STOML3: variants seen among roughly 807,000 people sequenced by gnomAD.
The protein encoded by STOML3 is stomatin-like protein 3.
In STOML3, 31 loss-of-function variants were observed where a neutral mutation model predicts 29.5. That is an observed-to-expected ratio of 1.05 (90% confidence interval 0.79 to 1.42). STOML3 has a LOEUF of 1.42. Among genes scored for constraint, STOML3 ranks in the 40% most tolerant of loss-of-function variants. The probability of loss-of-function intolerance (pLI) is 0.00; values close to 1 mark genes in which losing one functional copy is unlikely to be tolerated. For missense variants in STOML3, 380 were observed against 363.0 expected, an observed-to-expected ratio of 1.05 and a Z score of -0.38; for synonymous variants, 122 against 139.8, an observed-to-expected ratio of 0.87 and a Z score of 0.90.
chr13:38,987,883 T>A (rs1424979971), intron 1 of STOML3, among the ~76,000 whole-genome samples: 1 of 72,352 alleles, frequency 1.4e-5, no homozygotes, highest in Non-Finnish European at 2.1e-5. Flanking sequence ...TATTATATTT[T>A]ATATAATATA....
At position 38,966,764 on chromosome 13, in the gene STOML3, T is replaced by C. The variant is rs1880660779; in HGVS notation, c.*61A>G. The C allele has an allele frequency of 5.1e-6, 7 of 1,377,250 alleles. No individual in the cohort carries two copies. The highest frequency in any genetic ancestry group is 7.2e-6 in the Non-Finnish European group (7 of 976,058). 85.3% of individuals were successfully genotyped at this position (1,377,250 alleles called of 1,614,324 possible). On this transcript the variant is annotated 3_prime_UTR_variant, in exon 7 of 7. Transcript: ENST00000379631. ...TGGAATTCTCACCGTTTCTAACTAC[T>C]GGCTTCTCCATAGGAATAGACACCA...
At chr13:38,988,935 C>A (rs923916644) in intron 1 of STOML3, among the ~76,000 whole-genome samples, 1 of 141,882 alleles carries the variant, frequency 7.0e-6, no homozygotes, top group Non-Finnish European at 1.5e-5. Context: ...CTATATTATA[C>A]AATATATTAT....
At chr13:38,977,750 A>AGTTTTTTTTTTTTTTTTTTTTTTT (rs1881130975) in intron 1 of STOML3, among the ~76,000 whole-genome samples, 1 of 84,232 alleles carries the variant, frequency 1.2e-5, no homozygotes, top group Non-Finnish European at 2.3e-5. Context: ...AAGTCTCCGG[A>AGTTTTTTTTTTTTTTTTTTTTTTT]TTTTTTTTTT....
intron 4 of STOML3, among the ~76,000 whole-genome samples, chr13:38,970,876 A>G (rs1880839561): frequency 6.6e-6 from 1 of 152,166 alleles, no homozygotes; most frequent in African/African-American, 2.4e-5. Context: ...GAGGCTCAGC[A>G]TCAATCATTC....
intron 1 of STOML3, chr13:38,980,274 AGTGCTGCT>A (rs1489277044): frequency 1.3e-6 from 1 of 744,780 alleles, no homozygotes; most frequent in Non-Finnish European, 2.2e-6. Context: ...TGGGGCTGTG[AGTGCTGCT>A]GTCACCTTCC....
intron 4 of STOML3, among the ~76,000 whole-genome samples, chr13:38,971,094 G>A (rs148261008): frequency 2.6e-5 from 4 of 151,942 alleles, no homozygotes; most frequent in East Asian, 1.9e-4. Context: ...CTGCAGTGGC[G>A]CAATCTCTGC....
intron 1 of STOML3, among the ~76,000 whole-genome samples, chr13:38,986,103 A>G (rs1008264392): frequency 1.4e-5 from 2 of 137,968 alleles, no homozygotes; most frequent in African/African-American, 5.5e-5. Context: ...GCCCCTGGAC[A>G]TGATCTCGAG....
chr13:38,968,552 G>A lies in STOML3; in HGVS notation c.517-18C>T. On this transcript the variant is annotated intron_variant, in intron 5 of 6. Coordinates refer to ENST00000379631, the MANE Select transcript of STOML3 (RefSeq NM_145286.3). ...AGTAAAGTCTGTTTCCAAATTAAAA[G>A]GGAAGACTAATAAGAAAGACAGGTG... The A allele has an allele frequency of 6.2e-7, 1 of 1,613,412 alleles. No homozygotes were observed. Among genetic ancestry groups the A allele is most frequent in the South Asian group, 1.1e-5 (1 of 91,050 alleles).
chr13:38,977,023 A>C (rs9532316), intron 1 of STOML3, among the ~76,000 whole-genome samples: 99,300 of 152,104 alleles, frequency 0.65, 32,577 homozygotes, highest in East Asian at 0.81. Context: ...CAAGAAAAAT[A>C]TCATAACAAT....
chr13:38,978,015 C>T (rs1881148486), intron 1 of STOML3, among the ~76,000 whole-genome samples: 1 of 152,100 alleles, frequency 6.6e-6, no homozygotes, highest in Admixed American at 6.5e-5. Context: ...CCGCCTCAGC[C>T]TCCCAAAGTT....
At chr13:38,989,095 G>T (rs1350673438) in intron 1 of STOML3, among the ~76,000 whole-genome samples, 1 of 150,248 alleles carries the variant, frequency 6.7e-6, no homozygotes, top group Admixed American at 6.7e-5. Context: ...GGCAAACTTA[G>T]TCCACAGATC....
chr13:38,988,250 T>C (rs1295655947), intron 1 of STOML3, among the ~76,000 whole-genome samples: 1 of 84,428 alleles, frequency 1.2e-5, no homozygotes. Flanking sequence ...ATATAATATA[T>C]TATATTTTAT....
At chr13:38,986,909 G>A (rs1232330645) in intron 1 of STOML3, among the ~76,000 whole-genome samples, 1 of 152,070 alleles carries the variant, frequency 6.6e-6, no homozygotes, top group African/African-American at 2.4e-5. Context: ...ATTTTAAGGA[G>A]CTCCCCAGGA....
intron 1 of STOML3, among the ~76,000 whole-genome samples, chr13:38,978,455 A>C (rs1881168628): frequency 6.6e-6 from 1 of 151,978 alleles, no homozygotes; most frequent in South Asian, 2.1e-4. Context: ...CACCTGGCCC[A>C]TTTTGCCTCC....
chr13:38,972,224 A>G (rs1368763803), intron 4 of STOML3, among the ~76,000 whole-genome samples: 1 of 152,106 alleles, frequency 6.6e-6, no homozygotes, highest in African/African-American at 2.4e-5. Context: ...GTCATTCTCC[A>G]TCCCAGCTTC....
At chr13:38,969,942 A>G (rs1407896751) in intron 5 of STOML3, among the ~76,000 whole-genome samples, 2 of 152,216 alleles carry the variant, frequency 1.3e-5, no homozygotes, top group Non-Finnish European at 2.9e-5. Flanking sequence ...AATTCCAAAG[A>G]AAATGGATAA....
chr13:38,987,553 G>T (rs957690390), intron 1 of STOML3, among the ~76,000 whole-genome samples: 3 of 150,230 alleles, frequency 2.0e-5, no homozygotes, highest in Non-Finnish European at 4.4e-5. Flanking sequence ...CTGCTGGAAA[G>T]GATAACAAGG....
chr13:38,979,121 C>T (rs1292134739), intron 1 of STOML3, among the ~76,000 whole-genome samples: 2 of 152,114 alleles, frequency 1.3e-5, no homozygotes, highest in Non-Finnish European at 2.9e-5. Flanking sequence ...CTTTTATATG[C>T]TCCAAATACA....
In STOML3 at chr13:38,968,485, A is replaced by T. The variant is rs763461513; in HGVS notation, c.566T>A (p.Val189Glu). The T allele has an allele frequency of 7.4e-6, 12 of 1,614,128 alleles. No individual in the cohort carries two copies. Among genetic ancestry groups the T allele is most frequent in the African/African-American group, 1.3e-5 (1 of 75,040 alleles). Reference sequence around the variant, plus strand: ...GGGAATCCGAACATCTTTGATTTCCACTCGGGCCACCCGGATCCCCCACAG... The same window carrying T: ...GGGAATCCGAACATCTTTGATTTCCTCTCGGGCCACCCGGATCCCCCACAG... Reference protein sequence around the residue: ...TELWGIRVARVEIKDVRIPVQ... With the variant: ...TELWGIRVAREEIKDVRIPVQ... Residue 189 changes from valine (V) to glutamate (E), a missense_variant, in exon 6 of 7, where the codon GTG becomes GAG. Val to Glu is a moderately radical substitution (Grantham distance 121). Transcript: ENST00000379631.
Sources: gnomAD v4.1 joint callset for allele counts (sites outside exome capture counted in the v4.1 genomes callset) on GRCh38, gnomAD v4.1.1 for gene constraint, MANE v1.5 for transcripts, NCBI Gene and HGNC (gene_info 2026-07-23, HGNC 2026-07-21) for gene names.